MATN2: variants seen among roughly 807,000 people sequenced by gnomAD.
The protein encoded by MATN2 is matrilin 2.
A neutral mutation model predicts 103.2 loss-of-function variants in MATN2; 69 were observed. The observed-to-expected ratio is 0.67, with a 90% CI of 0.55 to 0.82. The LOEUF is 0.82. Among genes scored for constraint, MATN2 ranks in the 40% least tolerant of loss-of-function variants. The probability of loss-of-function intolerance (pLI) is 0.00; values close to 1 mark genes in which losing one functional copy is unlikely to be tolerated. For synonymous variants in MATN2, 429 were observed against 450.2 expected, an observed-to-expected ratio of 0.95 and a Z score of 0.60; for missense variants, 1,023 against 1,211.5, an observed-to-expected ratio of 0.84 and a Z score of 2.31.
intron 3 of MATN2, among the ~76,000 whole-genome samples, chr8:97,932,810 G>A (rs920797583): frequency 2.0e-5 from 3 of 152,086 alleles, no homozygotes; most frequent in African/African-American, 7.2e-5. Context: ...ATGAATCTTT[G>A]GTGGGGAAAT....
At chr8:97,969,323 G>A (rs1311466502) in intron 5 of MATN2, among the ~76,000 whole-genome samples, 1 of 152,222 alleles carries the variant, frequency 6.6e-6, no homozygotes, top group Non-Finnish European at 1.5e-5. Context: ...GTATCACTAA[G>A]CACATATCTT....
intron 2 of MATN2, among the ~76,000 whole-genome samples, chr8:97,915,335 A>G (rs1809584881): frequency 6.6e-6 from 1 of 152,108 alleles, no homozygotes; most frequent in African/African-American, 2.4e-5. Context: ...TCTTCTCTAC[A>G]GGGTTGTAAG....
At chr8:97,883,876 G>C (rs1239245734) in intron 1 of MATN2, among the ~76,000 whole-genome samples, 1 of 152,004 alleles carries the variant, frequency 6.6e-6, no homozygotes, top group Non-Finnish European at 1.5e-5. Flanking sequence ...TTTTTATAGA[G>C]ACAGGGTTTT....
intron 12 of MATN2, 126 bp downstream of exon 12, chr8:98,018,242 C>G (rs1175644512): frequency 7.9e-7 from 1 of 1,269,278 alleles, no homozygotes; most frequent in African/African-American, 1.5e-5. Context: ...GCCTTGGGTG[C>G]TCTGAAAGTG....
chr8:98,033,826 G>A (rs1814136631), intron 18 of MATN2, 167 bp downstream of exon 18: 1 of 572,782 alleles, frequency 1.7e-6, no homozygotes, highest in African/African-American at 1.9e-5. Flanking sequence ...ACAGGTGTTT[G>A]AGAGGCAAGG....
intron 2 of MATN2, among the ~76,000 whole-genome samples, chr8:97,923,870 C>G (rs1271575151): frequency 1.3e-5 from 2 of 152,086 alleles, no homozygotes; most frequent in African/African-American, 4.8e-5. Context: ...TTTCAGCCAC[C>G]TTCTTCTCTT....
intron 4 of MATN2, among the ~76,000 whole-genome samples, chr8:97,942,919 C>CATCT (rs998547742): frequency 4.6e-5 from 7 of 152,032 alleles, no homozygotes; most frequent in African/African-American, 1.7e-4. Context: ...GATTAGGTAA[C>CATCT]ATCTACTTGA....
At chr8:98,018,537 A>G (rs1813455573) in intron 12 of MATN2, among the ~76,000 whole-genome samples, 1 of 152,192 alleles carries the variant, frequency 6.6e-6, no homozygotes, top group African/African-American at 2.4e-5. Context: ...CCATTTTCAC[A>G]CTGCCGATAA....
chr8:98,018,187 C>T lies in MATN2; in HGVS notation c.1819+71C>T, dbSNP rs1025254527. ...AGACAGTTAGAGAAGTTCATTTAAT[C>T]CTTAAAGTCCTCCTTTATTACCACT... is the stretch of plus-strand genomic sequence containing the variant. On this transcript the variant is annotated intron_variant, in intron 12 of 18. Coordinates refer to ENST00000254898, the MANE Select transcript of MATN2 (RefSeq NM_002380.5). The T allele has an allele frequency of 1.5e-5, 24 of 1,577,904 alleles. No individual in the cohort carries two copies. The African/African-American group carries it at 1.8e-4, about 12-fold the overall frequency.
chr8:97,941,349 G>T (rs1810559532), intron 3 of MATN2, among the ~76,000 whole-genome samples: 1 of 152,010 alleles, frequency 6.6e-6, no homozygotes, highest in Non-Finnish European at 1.5e-5. Flanking sequence ...GAAACTGTTG[G>T]TTCTTTAACA....
At chr8:97,892,503 A>G (rs1433903477) in intron 2 of MATN2, among the ~76,000 whole-genome samples, 1 of 151,828 alleles carries the variant, frequency 6.6e-6, no homozygotes, top group East Asian at 1.9e-4. Flanking sequence ...GAAGACAGCT[A>G]GATTGTCATT....
chr8:97,942,108 T>C (rs954566782), intron 4 of MATN2, among the ~76,000 whole-genome samples: 3 of 152,164 alleles, frequency 2.0e-5, no homozygotes, highest in Non-Finnish European at 2.9e-5. Flanking sequence ...CAGGAAGAGT[T>C]GGAGAGATAG....
chr8:97,872,114 T>C (rs1437093286), intron 1 of MATN2, among the ~76,000 whole-genome samples: 2 of 152,258 alleles, frequency 1.3e-5, no homozygotes, highest in Admixed American at 1.3e-4. Context: ...TATTATTGTC[T>C]GAGCCTTGGT....
chr8:97,871,812 T>C (rs565117382), intron 1 of MATN2, among the ~76,000 whole-genome samples: 3 of 152,250 alleles, frequency 2.0e-5, no homozygotes, highest in Non-Finnish European at 4.4e-5. Flanking sequence ...ATGGCAGGGC[T>C]GGGCTGTTGC....
intron 2 of MATN2, among the ~76,000 whole-genome samples, chr8:97,929,670 T>C (rs1485213992): frequency 6.6e-6 from 1 of 152,252 alleles, no homozygotes; most frequent in Non-Finnish European, 1.5e-5. Flanking sequence ...TTTGCCTTTT[T>C]CCAATTTAAC....
intron 4 of MATN2, among the ~76,000 whole-genome samples, chr8:97,954,668 C>T (rs982458690): frequency 1.2e-4 from 18 of 152,150 alleles, no homozygotes; most frequent in Admixed American, 1.2e-3. Context: ...TTGTTGTCCA[C>T]TGATTCACTG....
intron 7 of MATN2, among the ~76,000 whole-genome samples, chr8:97,998,249 G>T (rs563820920): frequency 6.6e-6 from 1 of 151,578 alleles, no homozygotes; most frequent in East Asian, 1.9e-4. Flanking sequence ...TGCTGGGCGC[G>T]GTGGCTCACG....
chr8:97,888,589 G>T (rs918442219), intron 2 of MATN2, among the ~76,000 whole-genome samples: 1 of 152,150 alleles, frequency 6.6e-6, no homozygotes, highest in Non-Finnish European at 1.5e-5. Context: ...AGCTAGATCT[G>T]TTAATAATGC....
intron 5 of MATN2, among the ~76,000 whole-genome samples, chr8:97,969,406 G>A (rs766835344): frequency 3.9e-5 from 6 of 152,154 alleles, no homozygotes; most frequent in Non-Finnish European, 8.8e-5. Flanking sequence ...AAGGTTTTAT[G>A]GGATTAAATA....
Sources: allele counts gnomAD v4.1 joint callset (sites outside exome capture counted in the v4.1 genomes callset), GRCh38; gene constraint gnomAD v4.1.1; transcripts MANE v1.5; gene names NCBI Gene and HGNC (gene_info 2026-07-23, HGNC 2026-07-21).